FYCO1: variants seen among roughly 807,000 people sequenced by gnomAD.
FYCO1 encodes the protein FYVE and coiled-coil domain-containing protein 1.
In FYCO1, 122 loss-of-function variants were observed where a neutral mutation model predicts 165.1. The observed-to-expected ratio is 0.74, with a 90% CI of 0.64 to 0.86. The LOEUF (loss-of-function observed/expected upper bound fraction) is 0.86. Ranked by LOEUF, FYCO1 falls within the 40% of genes least tolerant of loss-of-function variation. The pLI, the probability that FYCO1 is intolerant of heterozygous loss-of-function variation, is 0.00. For synonymous variants in FYCO1, 648 were observed against 742.5 expected (o/e 0.87, Z 2.07); for missense variants, 1,702 against 1,810.3 (o/e 0.94, Z 1.09).
intron 15 of FYCO1, among the ~76,000 whole-genome samples, chr3:45,932,571 A>G (rs1703685157): frequency 6.6e-6 from 1 of 152,230 alleles, no homozygotes; most frequent in African/African-American, 2.4e-5. Context: ...CCTTTAACAC[A>G]GGGGAGGGAA....
At chr3:45,957,995 C>A (rs974789876) in intron 13 of FYCO1, among the ~76,000 whole-genome samples, 5 of 152,230 alleles carry the variant, frequency 3.3e-5, no homozygotes, top group Non-Finnish European at 7.3e-5. Context: ...GAGATTACAT[C>A]CTCCTTGGAC....
intron 15 of FYCO1, among the ~76,000 whole-genome samples, chr3:45,935,681 G>A (rs1703852429): frequency 6.6e-6 from 1 of 152,140 alleles, no homozygotes; most frequent in Non-Finnish European, 1.5e-5. Flanking sequence ...TTTTTCCATA[G>A]CAAGCACTAC....
chr3:45,926,776 C>A (rs561433243), intron 16 of FYCO1, among the ~76,000 whole-genome samples: 2 of 152,300 alleles, frequency 1.3e-5, no homozygotes, highest in Non-Finnish European at 2.9e-5. Flanking sequence ...ACCAACCTGG[C>A]CAACATAGCA....
intron 7 of FYCO1, 52 bp downstream of exon 7, chr3:45,969,623 C>T: frequency 1.4e-6 from 2 of 1,441,550 alleles, no homozygotes; most frequent in Middle Eastern, 1.7e-4. Flanking sequence ...GGGGCAAGGA[C>T]ATACCCTGGT....
chr3:45,921,961 C>A, intron 17 of FYCO1, 121 bp from the exon 18 acceptor site: 1 of 720,536 alleles, frequency 1.4e-6, no homozygotes, highest in Non-Finnish European at 2.6e-6. Flanking sequence ...GGTGCTGGAG[C>A]CCCATGCCCC....
At chr3:45,947,207 G>A (rs558099799) in intron 14 of FYCO1, 43 of 1,614,032 alleles carry the variant, frequency 2.7e-5, no homozygotes, top group Non-Finnish European at 3.5e-5. Flanking sequence ...TGTTCCTGCT[G>A]ACCCAGATGC....
At chr3:45,951,145 G>A (rs1704996971) in intron 14 of FYCO1, among the ~76,000 whole-genome samples, 1 of 152,180 alleles carries the variant, frequency 6.6e-6, no homozygotes, top group African/African-American at 2.4e-5. Context: ...GCAAGGTACT[G>A]AGGTGGTAGC....
At chr3:45,980,246 G>A (rs901625549) in intron 3 of FYCO1, among the ~76,000 whole-genome samples, 2 of 152,026 alleles carry the variant, frequency 1.3e-5, no homozygotes, top group Non-Finnish European at 2.9e-5. Flanking sequence ...CTACTCAAGA[G>A]GCTGAGGCAG....
At chr3:45,949,967 C>T (rs896479936) in intron 14 of FYCO1, among the ~76,000 whole-genome samples, 1 of 152,170 alleles carries the variant, frequency 6.6e-6, no homozygotes, top group Non-Finnish European at 1.5e-5. Flanking sequence ...GGGCACAGCA[C>T]ATGCAGATTA....
chr3:45,975,790 G>A (rs1706721841), intron 4 of FYCO1, among the ~76,000 whole-genome samples: 1 of 152,208 alleles, frequency 6.6e-6, no homozygotes, highest in South Asian at 2.1e-4. Context: ...AGGAGGAAGA[G>A]ATGGGCTCAG....
rs1356287425 is a variant in FYCO1, at chr3:45,968,243, T to C, written c.1091A>G (p.His364Arg). The C allele has an allele frequency of 6.2e-7, 1 of 1,614,074 alleles. No individual in the cohort carries two copies. Among genetic ancestry groups the C allele is most frequent in the Non-Finnish European group, 8.5e-7 (1 of 1,180,034 alleles). ...TAGCCAGCCTGGGAAGCTGGCTAAA[T>C]GCTGGTTTTTCTTGTCCAGTGAGTC... ...TRDSLDKKNQ[H>R]LASFPGWLAM... is the part of the protein sequence containing the mutation. Residue 364 changes from histidine to arginine, a missense_variant, in exon 8 of 18, where the codon CAT (histidine) becomes CGT (arginine). Transcript: ENST00000296137.
intron 1 of FYCO1, 30 bp from the exon 2 acceptor site, chr3:45,985,052 A>G: frequency 1.3e-6 from 1 of 788,044 alleles, no homozygotes; most frequent in Non-Finnish European, 2.3e-6. Flanking sequence ...GCCATGGAGG[A>G]AGCAGATACA....
chr3:45,945,923 C>A (rs1259536742), intron 14 of FYCO1: 1 of 153,314 alleles, frequency 6.5e-6, no homozygotes, highest in Non-Finnish European at 1.5e-5. Context: ...TCCCCAAACA[C>A]CTGTGGTCTC....
Position 45,964,643 on chromosome 3 carries a change from G to C in FYCO1, c.3151-189C>G, listed in dbSNP as rs964917328. 68 of 773,084 alleles carry C rather than the reference G, an allele frequency of 8.8e-5. No homozygotes were observed. The highest frequency in any genetic ancestry group is 1.0e-4 in the Non-Finnish European group (64 of 636,024). 47.9% of individuals were successfully genotyped at this position (773,084 alleles called of 1,614,324 possible). A position where few individuals can be genotyped will look rare whatever the true frequency, so the allele number is the denominator to read the frequency against. Reference sequence around the variant, plus strand: ...GGGGCCTCAACTGCAACTAGTTGTGGTGGTTGGCAAGTGGCAGGTACCAGA... The same window carrying C: ...GGGGCCTCAACTGCAACTAGTTGTGCTGGTTGGCAAGTGGCAGGTACCAGA... On this transcript the variant is annotated intron_variant, in intron 9 of 17. Transcript: ENST00000296137. This position sits in a 1 kb window ranked among gnomAD's most constrained non-coding sequence, Gnocchi z 4.1.
chr3:45,958,112 C>T (rs189736236), intron 13 of FYCO1, among the ~76,000 whole-genome samples: 15 of 152,316 alleles, frequency 9.8e-5, no homozygotes, highest in South Asian at 8.3e-4. Flanking sequence ...CTCTGGTAGA[C>T]GGCATTCTCC....
chr3:45,929,611 G>T (rs1283372556), intron 16 of FYCO1, among the ~76,000 whole-genome samples: 2 of 152,296 alleles, frequency 1.3e-5, no homozygotes, highest in African/African-American at 2.4e-5. Context: ...GCCGCACCAG[G>T]ACCTCCTGGG....
intron 14 of FYCO1, among the ~76,000 whole-genome samples, chr3:45,948,588 A>C (rs971158724): frequency 3.9e-5 from 6 of 152,242 alleles, no homozygotes; most frequent in Admixed American, 6.5e-5. Context: ...AGGATGAGGC[A>C]TAGTTTTAAA....
At chr3:45,942,576 C>T (rs545326296) in intron 14 of FYCO1, among the ~76,000 whole-genome samples, 2 of 152,308 alleles carry the variant, frequency 1.3e-5, no homozygotes, top group East Asian at 1.9e-4. Context: ...AAGCAGACAT[C>T]GAGTCCATGC....
intron 14 of FYCO1, among the ~76,000 whole-genome samples, chr3:45,954,232 A>AT (rs140221038): frequency 0.051 from 7,711 of 152,090 alleles, 291 homozygotes; most frequent in Middle Eastern, 0.11. Context: ...GGGTAAGGCG[A>AT]TTTTTTTAAA....
Sources: allele counts gnomAD v4.1 joint callset (sites outside exome capture counted in the v4.1 genomes callset), GRCh38; gene constraint gnomAD v4.1.1; non-coding constraint Gnocchi (gnomAD v3.1); transcripts MANE v1.5; gene names NCBI Gene and HGNC (gene_info 2026-07-23, HGNC 2026-07-21).